MSI2: variants seen among roughly 807,000 people sequenced by gnomAD.
The protein encoded by MSI2 is RNA-binding protein Musashi homolog 2.
A neutral mutation model predicts 45.6 loss-of-function variants in MSI2; 17 were observed. The observed-to-expected ratio is 0.37, with a 90% CI of 0.26 to 0.56. The LOEUF is 0.56. Among genes scored for constraint, MSI2 ranks in the 20% least tolerant of loss-of-function variants. The pLI is 0.77. For missense variants in MSI2, 293 were observed against 444.2 expected (o/e 0.66, Z 3.06); for synonymous variants, 156 against 158.2 (o/e 0.99, Z 0.11).
intron 6 of MSI2, among the ~76,000 whole-genome samples, chr17:57,441,447 A>G (rs753988772): frequency 7.9e-4 from 121 of 152,308 alleles, no homozygotes; most frequent in Admixed American, 3.1e-3. Flanking sequence ...GCTGGGAGGT[A>G]GATTTTTTTT....
At chr17:57,264,162 G>A (rs1019815445) in intron 5 of MSI2, 3 of 152,082 alleles carry the variant, frequency 2.0e-5, no homozygotes, top group Non-Finnish European at 4.4e-5. Flanking sequence ...TCATTGTTCC[G>A]GTTGTTGTTT....
At chr17:57,626,976 G>C in intron 9 of MSI2, 1 of 572,304 alleles carries the variant, frequency 1.7e-6, no homozygotes, top group South Asian at 2.1e-5. Context: ...TACTCTGAAG[G>C]TTCAGGAAAG....
intron 6 of MSI2, among the ~76,000 whole-genome samples, chr17:57,410,214 G>A (rs1428886350): frequency 6.6e-6 from 1 of 152,060 alleles, no homozygotes; most frequent in Admixed American, 6.5e-5. Context: ...GCGGAGTCTG[G>A]AGAAGTCAAG....
intron 6 of MSI2, among the ~76,000 whole-genome samples, chr17:57,513,515 G>A (rs1421546265): frequency 2.0e-5 from 3 of 152,222 alleles, no homozygotes; most frequent in African/African-American, 7.2e-5. Context: ...GGACACATGG[G>A]TCATTGGCAG....
chr17:57,389,823 C>T (rs1371607860), intron 5 of MSI2, among the ~76,000 whole-genome samples: 1 of 152,258 alleles, frequency 6.6e-6, no homozygotes, highest in East Asian at 1.9e-4. Flanking sequence ...CCACTTTATG[C>T]GTAGTTTGCC....
At chr17:57,509,622 T>C (rs975736347) in intron 6 of MSI2, among the ~76,000 whole-genome samples, 3 of 152,116 alleles carry the variant, frequency 2.0e-5, no homozygotes, top group Non-Finnish European at 2.9e-5. Flanking sequence ...TGTTTCACCA[T>C]GTTGGCCAGG....
intron 5 of MSI2, among the ~76,000 whole-genome samples, chr17:57,334,969 C>T (rs1388787001): frequency 1.8e-4 from 28 of 151,674 alleles, no homozygotes; most frequent in Non-Finnish European, 4.4e-5. Flanking sequence ...TTAACCGTGC[C>T]CTGTAGTTAT....
At chr17:57,517,500 C>T (rs2086494356) in intron 6 of MSI2, among the ~76,000 whole-genome samples, 1 of 152,178 alleles carries the variant, frequency 6.6e-6, no homozygotes, top group East Asian at 1.9e-4. Context: ...GGCAGAGATG[C>T]TCCTCCAAGC....
At chr17:57,673,119 C>A (rs1912938792) in intron 11 of MSI2, among the ~76,000 whole-genome samples, 2 of 152,246 alleles carry the variant, frequency 1.3e-5, no homozygotes. Context: ...TCTGCTGAGT[C>A]AGGAGCCAGG....
the MSI2 span, among the ~76,000 whole-genome samples, chr17:57,694,228 G>T: frequency 1.3e-5 from 2 of 152,200 alleles, no homozygotes; most frequent in African/African-American, 4.8e-5. Context: ...AGTTGACTTG[G>T]ATTTGGGTTT....
intron 5 of MSI2, among the ~76,000 whole-genome samples, chr17:57,384,187 A>T (rs1304987185): frequency 6.6e-6 from 1 of 152,186 alleles, no homozygotes; most frequent in African/African-American, 2.4e-5. Flanking sequence ...ATGCTCATGG[A>T]GTCTCAGGTC....
chr17:57,557,874 A>G (rs1401026036), intron 7 of MSI2, among the ~76,000 whole-genome samples: 2 of 152,252 alleles, frequency 1.3e-5, no homozygotes, highest in Non-Finnish European at 2.9e-5. Flanking sequence ...TCAGGTCCAT[A>G]ACCAAGGCAG....
In MSI2 at chr17:57,607,791, A is replaced by G. The variant is rs1906786785; in HGVS notation, c.538-8179A>G. Among the ~76,000 whole-genome samples the G allele has an allele frequency of 2.0e-5, 3 of 152,150 alleles. 1 individual carries two copies. In the South Asian group the frequency reaches 6.2e-4, roughly 32 times the overall value. The stretch of plus-strand genomic sequence containing the variant: ...TGGGGTGGGGCCTCAGGGAGCTTTT[A>G]CTCACGGAGGAAGGCAAAGTAGGAA... On this transcript the variant is annotated intron_variant, in intron 8 of 13. Coordinates refer to ENST00000284073, the MANE Select transcript of MSI2 (RefSeq NM_138962.4).
At chr17:57,263,245 T>G (rs1439248481) in intron 5 of MSI2, among the ~76,000 whole-genome samples, 1 of 152,234 alleles carries the variant, frequency 6.6e-6, no homozygotes, top group Non-Finnish European at 1.5e-5. Flanking sequence ...CTTGATTGAT[T>G]GATTCCTTCC....
At chr17:57,618,004 G>A (rs1907889046) in intron 9 of MSI2, 1 of 152,066 alleles carries the variant, frequency 6.6e-6, no homozygotes, top group Admixed American at 6.6e-5. Flanking sequence ...CCAGGAGGCA[G>A]AGGTTGCAGT....
intron 5 of MSI2, among the ~76,000 whole-genome samples, chr17:57,392,690 C>T (rs996354367): frequency 6.6e-5 from 10 of 152,108 alleles, no homozygotes; most frequent in African/African-American, 1.2e-4. Context: ...CAATCGGCAA[C>T]GTAAAATATT....
chr17:57,421,541 TCTC>T (rs10570551), intron 6 of MSI2, among the ~76,000 whole-genome samples: 55,194 of 151,496 alleles, frequency 0.36, 11,665 homozygotes, highest in East Asian at 0.54. Context: ...CCCCATTCAT[TCTC>T]CTCCTCCTCC....
chr17:57,369,195 T>C (rs2083385561), intron 5 of MSI2, among the ~76,000 whole-genome samples: 1 of 152,188 alleles, frequency 6.6e-6, no homozygotes, highest in Non-Finnish European at 1.5e-5. Context: ...GAGAGTGACG[T>C]CACAGTTGTC....
chr17:57,396,250 T>G (rs920347478), intron 5 of MSI2, among the ~76,000 whole-genome samples: 5 of 152,222 alleles, frequency 3.3e-5, no homozygotes, highest in African/African-American at 1.2e-4. Context: ...TTGGTGTTTG[T>G]TTTGTTTTTG....
Sources: gnomAD v4.1 joint callset for allele counts (sites outside exome capture counted in the v4.1 genomes callset) on GRCh38, gnomAD v4.1.1 for gene constraint, MANE v1.5 for transcripts, NCBI Gene and HGNC (gene_info 2026-07-23, HGNC 2026-07-21) for gene names.